PKD1L1: variants seen among roughly 807,000 people sequenced by gnomAD.
PKD1L1 encodes the protein polycystin 1 like 1, transient receptor potential channel interacting.
In PKD1L1, 236 loss-of-function variants were observed where a neutral mutation model predicts 323.4. The ratio of observed to expected loss-of-function variants is 0.73; its 90% CI spans 0.66 to 0.81. The LOEUF (loss-of-function observed/expected upper bound fraction) is 0.81, where lower values mean the gene tolerates loss of function less well. Ranked by LOEUF, PKD1L1 falls within the 40% of genes least tolerant of loss-of-function variation. The pLI is 0.00. For synonymous variants in PKD1L1, 1,344 were observed against 1,335.0 expected (o/e 1.01, Z -0.15); for missense variants, 3,320 against 3,508.0 (o/e 0.95, Z 1.35).
chr7:47,945,144 G>A (rs932818326), intron 1 of PKD1L1, among the ~76,000 whole-genome samples: 1 of 152,168 alleles, frequency 6.6e-6, no homozygotes, highest in Admixed American at 6.5e-5. Context: ...GCTGCTGCCA[G>A]GACTGTCATT....
intron 24 of PKD1L1, among the ~76,000 whole-genome samples, chr7:47,873,463 A>G (rs948972084): frequency 1.3e-5 from 2 of 151,972 alleles, no homozygotes; most frequent in African/African-American, 4.8e-5. Flanking sequence ...CCTGACCAAC[A>G]TGGTGAAACC....
At chr7:47,882,122 A>C (rs778634884) in intron 19 of PKD1L1, 37 bp from the exon 20 acceptor site, 2 of 1,601,238 alleles carry the variant, frequency 1.2e-6, no homozygotes. Context: ...TGTTAAAGAA[A>C]AAAAGTCATG....
chr7:47,907,145 TATGTC>T (rs1233640939), intron 9 of PKD1L1, among the ~76,000 whole-genome samples: 4 of 151,492 alleles, frequency 2.6e-5, no homozygotes, highest in African/African-American at 9.8e-5. Context: ...CTTCCATATG[TATGTC>T]ATAACTTCTT....
chr7:47,902,033 G>GGAAAGGAAAAGAAAAGAAAA, intron 13 of PKD1L1, among the ~76,000 whole-genome samples: 1 of 132,518 alleles, frequency 7.5e-6, no homozygotes, highest in African/African-American at 4.0e-5. Context: ...GGAAAGGAAA[G>GGAAAGGAAAAGAAAAGAAAA]GAAAAGAAAA....
chr7:47,795,846 T>C, intron 55 of PKD1L1, 143 bp downstream of exon 55: 1 of 963,766 alleles, frequency 1.0e-6, no homozygotes, highest in Non-Finnish European at 1.6e-6. Context: ...TCCACTATGA[T>C]TGAGACTAAT....
At position 47,843,123 on chromosome 7, in the gene PKD1L1, T is replaced by C. The variant is rs1160009724; in HGVS notation, c.5284A>G (p.Ile1762Val). 1 of 1,613,454 alleles carries C rather than the reference T, an allele frequency of 6.2e-7. No homozygotes were observed. Among genetic ancestry groups the C allele is most frequent in the African/African-American group, 1.3e-5 (1 of 74,786 alleles). ...TTAGCGACCAAAAATCCATAAAGAA[T>C]CACAGAACCCATAATAAAAATACTG... ...LPSIFIMGSVILYGFLVAKSR... is the reference protein window; with the variant it reads ...LPSIFIMGSVVLYGFLVAKSR... Residue 1762 changes from isoleucine (I) to valine (V), a missense_variant, in exon 34 of 57, where the codon ATT becomes GTT. Physicochemically the swap from Ile to Val is conservative, Grantham distance 29. Coordinates refer to ENST00000289672, the MANE Select transcript of PKD1L1 (RefSeq NM_138295.5).
intron 21 of PKD1L1, among the ~76,000 whole-genome samples, chr7:47,880,245 A>AAGATAGATATATATAT (rs1241393362): frequency 1.8e-5 from 2 of 114,120 alleles, no homozygotes; most frequent in African/African-American, 8.0e-5. Flanking sequence ...TAGCATAAAT[A>AAGATAGATATATATAT]AGATATATAT....
Position 47,796,078 on chromosome 7 carries a change from C to T in PKD1L1, c.8266G>A (p.Asp2756Asn), listed in dbSNP as rs770832954. 1.3e-5 allele frequency: 21 copies of T among 1,611,548 alleles called. No homozygotes were observed. The highest frequency in any genetic ancestry group is 1.7e-5 in the Non-Finnish European group (20 of 1,178,422). The change falls in exon 55 of 57, where the codon GAT (aspartate) becomes AAT (asparagine). Residue 2756 changes from aspartate (D) to asparagine (N), a missense_variant. Asp to Asn is a conservative substitution (Grantham distance 23). Transcript: ENST00000289672. ...TTTTCCCACATATAAGCAGTGACAT[C>T]TTTAAGTCTCACAAAAGATTTACTT... is the stretch of plus-strand genomic sequence containing the variant. Reference protein sequence around the residue: ...FQSKSFVRLKDVTAYMWEKVL... With the variant: ...FQSKSFVRLKNVTAYMWEKVL...
intron 28 of PKD1L1, 94 bp from the exon 29 acceptor site, chr7:47,855,359 A>T (rs997851612): frequency 1.4e-6 from 1 of 720,762 alleles, no homozygotes. Flanking sequence ...TGCTGCTATT[A>T]CACTTACATA....
At chr7:47,927,157 T>C in intron 7 of PKD1L1, among the ~76,000 whole-genome samples, 1 of 144,410 alleles carries the variant, frequency 6.9e-6, no homozygotes, top group East Asian at 2.0e-4. Flanking sequence ...TCAGAAACCA[T>C]GAAAAAAAGG....
At chr7:47,879,854 A>C (rs1786496829) in intron 21 of PKD1L1, among the ~76,000 whole-genome samples, 3 of 127,370 alleles carry the variant, frequency 2.4e-5, no homozygotes, top group South Asian at 4.8e-4. Context: ...AATGGCGTGA[A>C]CCTGGGAGGC....
rs372308427 is a variant in PKD1L1, at chr7:47,857,786, C to T, written c.4409G>A (p.Arg1470Gln). The T allele has an allele frequency of 2.0e-5, 33 of 1,613,986 alleles. No homozygotes were observed. Among genetic ancestry groups the T allele is most frequent in the Admixed American group, 5.0e-5 (3 of 59,988 alleles). The change falls in exon 28 of 57, where the codon CGG (arginine) becomes CAG (glutamine). Residue 1470 changes from arginine to glutamine, a missense_variant. Transcript: ENST00000289672. ...NHVSTGQMEF[R>Q]TLLHYNLQSS... ...CTGAAGGTTGTAATGAAGAAGGGTC[C>T]GGAACTCCATCTGCCCAGTGCTAAC...
At chr7:47,829,370 A>C in intron 44 of PKD1L1, 55 bp downstream of exon 44, 1 of 1,477,482 alleles carries the variant, frequency 6.8e-7, no homozygotes, top group South Asian at 1.3e-5. Context: ...TGCATGATAG[A>C]ATATAAAGTA....
At chr7:47,933,271 T>C (rs1366313662) in intron 4 of PKD1L1, among the ~76,000 whole-genome samples, 2 of 152,188 alleles carry the variant, frequency 1.3e-5, no homozygotes, top group African/African-American at 2.4e-5. Flanking sequence ...CAACAATGTA[T>C]AGCCAATCAC....
At chr7:47,808,464 G>C (rs1432406521) in intron 51 of PKD1L1, 77 bp from the exon 52 acceptor site, 4 of 1,548,618 alleles carry the variant, frequency 2.6e-6, no homozygotes, top group Non-Finnish European at 3.5e-6. Flanking sequence ...ACACGCGTTT[G>C]TAAGTTACAG....
At position 47,838,969 on chromosome 7, in the gene PKD1L1, G is replaced by A. The variant is rs142352910; in HGVS notation, c.5769+477C>T. Among the ~76,000 whole-genome samples the A allele has an allele frequency of 3.4e-4, 52 of 152,166 alleles. 1 individual carries two copies. Among genetic ancestry groups the A allele is most frequent in the African/African-American group, 1.1e-3 (44 of 41,508 alleles). On this transcript the variant is annotated intron_variant, in intron 36 of 56. Coordinates refer to ENST00000289672, the MANE Select transcript of PKD1L1 (RefSeq NM_138295.5). The stretch of plus-strand genomic sequence containing the variant: ...ATGTGTTTGTATATAGGGAAAGACG[G>A]AAAGGACATGCAAAAATCACGACTT...
rs774853615 is a variant in PKD1L1 at position 47,885,673 on chromosome 7, C to T, written c.3205+13G>A. ...AGACAAGAGGGATGACATGCAGGAA[C>T]AGTGGCACTTACCAGAGAGGTGAGG... On this transcript the variant is annotated intron_variant, in intron 18 of 56. Coordinates refer to ENST00000289672, the MANE Select transcript of PKD1L1 (RefSeq NM_138295.5). The T allele has an allele frequency of 6.2e-7, 1 of 1,603,568 alleles. No individual in the cohort carries two copies. The highest frequency in any genetic ancestry group is 8.5e-7 in the Non-Finnish European group (1 of 1,174,472).
intron 28 of PKD1L1, 64 bp downstream of exon 28, chr7:47,857,541 T>G: frequency 7.1e-7 from 1 of 1,416,738 alleles, no homozygotes; most frequent in Non-Finnish European, 9.8e-7. Context: ...TTTTGTCATT[T>G]AAGCCCAATT....
rs372993524 is a variant in PKD1L1 at position 47,789,865 on chromosome 7, C to A, written c.8526+2762G>T. 3.3e-5 allele frequency among the ~76,000 whole-genome samples: 5 copies of A among 152,106 alleles called. No individual in the cohort carries two copies. In the East Asian group the frequency reaches 9.6e-4, roughly 29 times the overall value. On this transcript the variant is annotated intron_variant, in intron 56 of 56. Transcript: ENST00000289672. ...GTAAATACTATCCATTTTTTCTCCT[C>A]TGTATAAATCCTCTATTTTATTTTA...
Sources: allele counts gnomAD v4.1 joint callset (sites outside exome capture counted in the v4.1 genomes callset), GRCh38; gene constraint gnomAD v4.1.1; transcripts MANE v1.5; gene names NCBI Gene and HGNC (gene_info 2026-07-23, HGNC 2026-07-21).